ADAMTSL1: variants seen among roughly 807,000 people sequenced by gnomAD.
The protein encoded by ADAMTSL1 is ADAMTS like 1, also known as ADAMTS-like protein 1.
Under a neutral mutation model 201.8 loss-of-function variants are expected in ADAMTSL1, and 126 were observed. The observed-to-expected ratio is 0.62, with a 90% CI of 0.54 to 0.72. ADAMTSL1 has a LOEUF of 0.72. ADAMTSL1 is among the 30% of genes least tolerant of loss of function. The probability of loss-of-function intolerance (pLI) is 0.00; values close to 1 mark genes in which losing one functional copy is unlikely to be tolerated. For missense variants in ADAMTSL1, 2,679 were observed against 2,277.8 expected (o/e 1.18, Z -3.59); for synonymous variants, 1,121 against 903.4 (o/e 1.24, Z -4.32).
At chr9:18,608,726 C>G (rs145180579) in intron 4 of ADAMTSL1, among the ~76,000 whole-genome samples, 93 of 152,258 alleles carry the variant, frequency 6.1e-4, no homozygotes, top group African/African-American at 2.1e-3. Context: ...TTTCATCTGG[C>G]TCTGGAAATT....
intron 20 of ADAMTSL1, among the ~76,000 whole-genome samples, chr9:18,813,207 C>A (rs572404593): frequency 6.6e-6 from 1 of 151,976 alleles, no homozygotes. Context: ...CCACATGATC[C>A]GCCGCCTCAG....
chr9:18,172,574 A>G (rs1288515939), intron 2 of ADAMTSL1, among the ~76,000 whole-genome samples: 1 of 152,120 alleles, frequency 6.6e-6, no homozygotes, highest in African/African-American at 2.4e-5. Flanking sequence ...GCAACTTGGC[A>G]GTGTCTATAA....
intron 1 of ADAMTSL1, among the ~76,000 whole-genome samples, chr9:18,483,362 T>A (rs1334355211): frequency 6.6e-6 from 1 of 152,226 alleles, no homozygotes; most frequent in Non-Finnish European, 1.5e-5. Context: ...TCCTTGTGTC[T>A]GTTCTCCTTC....
At chr9:18,399,328 T>TAC (rs1491459278) in intron 2 of ADAMTSL1, among the ~76,000 whole-genome samples, 24 of 107,724 alleles carry the variant, frequency 2.2e-4, no homozygotes, top group Non-Finnish European at 4.5e-4. Flanking sequence ...TATATATATA[T>TAC]AAAATTATTA....
At chr9:18,259,206 C>A (rs1831816843) in intron 2 of ADAMTSL1, among the ~76,000 whole-genome samples, 1 of 152,168 alleles carries the variant, frequency 6.6e-6, no homozygotes, top group Non-Finnish European at 1.5e-5. Context: ...TAGCTTCCAG[C>A]CCAAACTTTA....
intron 2 of ADAMTSL1, among the ~76,000 whole-genome samples, chr9:18,365,780 T>A (rs1238959943): frequency 6.6e-6 from 1 of 152,112 alleles, no homozygotes; most frequent in Non-Finnish European, 1.5e-5. Context: ...TGTTAGGAAC[T>A]GGGCCACAAA....
intron 15 of ADAMTSL1, among the ~76,000 whole-genome samples, chr9:18,745,098 CAAA>C (rs1819056983): frequency 6.6e-6 from 1 of 152,052 alleles, no homozygotes; most frequent in Non-Finnish European, 1.5e-5. Context: ...TAATAAGTAA[CAAA>C]GAAGTATTTT....
At chr9:18,047,756 A>T (rs907827160) in intron 1 of ADAMTSL1, among the ~76,000 whole-genome samples, 3 of 152,184 alleles carry the variant, frequency 2.0e-5, no homozygotes, top group African/African-American at 7.2e-5. Flanking sequence ...TAAAAAAATG[A>T]TTTTGAAGTC....
intron 2 of ADAMTSL1, among the ~76,000 whole-genome samples, chr9:18,413,146 A>ATT (rs11367468): frequency 6.3e-4 from 84 of 132,476 alleles, no homozygotes; most frequent in African/African-American, 2.2e-3. Context: ...TCTAAGGATA[A>ATT]TTTTTTTTTT....
At chr9:18,357,291 G>A (rs902112167) in intron 2 of ADAMTSL1, among the ~76,000 whole-genome samples, 6 of 151,992 alleles carry the variant, frequency 3.9e-5, no homozygotes, top group Non-Finnish European at 7.4e-5. Flanking sequence ...TTGAAAAAAA[G>A]AAAACTGAAC....
chr9:17,970,484 A>C (rs1818162918), intron 1 of ADAMTSL1, among the ~76,000 whole-genome samples: 1 of 152,026 alleles, frequency 6.6e-6, no homozygotes, highest in South Asian at 2.1e-4. Context: ...AGCCTGAGCC[A>C]CTTGGACAGC....
intron 27 of ADAMTSL1, 27 bp downstream of exon 27, chr9:18,905,918 T>C (rs768281807): frequency 1.3e-6 from 2 of 1,554,962 alleles, no homozygotes; most frequent in Admixed American, 3.6e-5. Flanking sequence ...AATCTCCTTT[T>C]CCCAGCCCCA....
chr9:18,812,855 T>C (rs1242072059), intron 20 of ADAMTSL1, among the ~76,000 whole-genome samples: 1 of 152,178 alleles, frequency 6.6e-6, no homozygotes, highest in Non-Finnish European at 1.5e-5. Flanking sequence ...GAGTTCTCTA[T>C]TCTGTTCCAT....
chr9:18,507,558 A>G (rs1409177622), intron 2 of ADAMTSL1, among the ~76,000 whole-genome samples: 1 of 152,206 alleles, frequency 6.6e-6, no homozygotes, highest in Non-Finnish European at 1.5e-5. Flanking sequence ...CACCAACCCA[A>G]TACTTTAGTT....
Position 18,474,317 on chromosome 9 carries a change from T to C in ADAMTSL1, c.63+22T>C. 4 of 1,613,654 alleles carry C rather than the reference T, an allele frequency of 2.5e-6. No homozygotes were observed. The African/African-American group carries it at 5.3e-5, about 22-fold the overall frequency. On this transcript the variant is annotated intron_variant, in intron 1 of 28. Transcript: ENST00000380548. ...CCTGGTAAATGCCTTTTCATTTCAA[T>C]GCATTGCTATTGCCATTGAGTCTGG...
At chr9:18,022,312 C>G (rs918586594) in intron 1 of ADAMTSL1, among the ~76,000 whole-genome samples, 1 of 152,184 alleles carries the variant, frequency 6.6e-6, no homozygotes. Context: ...CTGCAGCACT[C>G]TGGCCCCAGC....
intron 1 of ADAMTSL1, among the ~76,000 whole-genome samples, chr9:18,040,153 A>G (rs1220810618): frequency 6.6e-6 from 1 of 152,188 alleles, no homozygotes; most frequent in Non-Finnish European, 1.5e-5. Context: ...TTCTCATTCA[A>G]CAGTATGTGA....
chr9:18,193,872 G>T (rs1178381012), intron 2 of ADAMTSL1, among the ~76,000 whole-genome samples: 1 of 152,048 alleles, frequency 6.6e-6, no homozygotes, highest in Non-Finnish European at 1.5e-5. Flanking sequence ...AAAATTGTTT[G>T]CACACACTCA....
At chr9:18,138,871 G>A (rs921497344) in intron 1 of ADAMTSL1, among the ~76,000 whole-genome samples, 2 of 152,114 alleles carry the variant, frequency 1.3e-5, no homozygotes, top group African/African-American at 2.4e-5. Flanking sequence ...TTGCACCATA[G>A]CCATAAGCCT....
Sources: gnomAD v4.1 joint callset for allele counts (sites outside exome capture counted in the v4.1 genomes callset) on GRCh38, gnomAD v4.1.1 for gene constraint, MANE v1.5 for transcripts, NCBI Gene and HGNC (gene_info 2026-07-23, HGNC 2026-07-21) for gene names.